AKAP19: variants seen among roughly 807,000 people sequenced by gnomAD.
The protein encoded by AKAP19 is small A-kinase anchoring protein.
At chr2:189,949,222 G>C in the AKAP19 span, among the ~76,000 whole-genome samples, 9 of 152,280 alleles carry the variant, frequency 5.9e-5, no homozygotes, top group Admixed American at 5.2e-4. Flanking sequence ...TTCAGTTGCA[G>C]ATGCAGAACC....
At chr2:190,003,981 T>G in the AKAP19 span, among the ~76,000 whole-genome samples, 1 of 152,208 alleles carries the variant, frequency 6.6e-6, no homozygotes, top group Non-Finnish European at 1.5e-5. Flanking sequence ...ACTCTTAATT[T>G]GTAATGTTTC....
chr2:190,146,761 A>C, the AKAP19 span, among the ~76,000 whole-genome samples: 1 of 152,222 alleles, frequency 6.6e-6, no homozygotes, highest in African/African-American at 2.4e-5. Context: ...AGTGATGTTG[A>C]ACATTTTTTC....
At chr2:190,057,908 C>G in the AKAP19 span, among the ~76,000 whole-genome samples, 4 of 151,960 alleles carry the variant, frequency 2.6e-5, no homozygotes, top group South Asian at 8.3e-4. Flanking sequence ...TACCAGATTG[C>G]CTGGCACATA....
At chr2:190,159,594 T>A in the AKAP19 span, among the ~76,000 whole-genome samples, 1 of 152,168 alleles carries the variant, frequency 6.6e-6, no homozygotes, top group Non-Finnish European at 1.5e-5. Flanking sequence ...TGAAGCTCAG[T>A]GTTCCAAGTT....
chr2:190,175,831 C>G, the AKAP19 span, among the ~76,000 whole-genome samples: 2 of 152,164 alleles, frequency 1.3e-5, no homozygotes, highest in Non-Finnish European at 2.9e-5. Flanking sequence ...AATGTTCCCT[C>G]CAAAATTCAG....
the AKAP19 span, among the ~76,000 whole-genome samples, chr2:190,012,929 T>G: frequency 2.6e-5 from 4 of 152,318 alleles, no homozygotes; most frequent in African/African-American, 9.6e-5. Flanking sequence ...TTATGTATCT[T>G]GAACCATCTT....
At chr2:189,943,167 T>A in the AKAP19 span, among the ~76,000 whole-genome samples, 1 of 152,184 alleles carries the variant, frequency 6.6e-6, no homozygotes, top group Non-Finnish European at 1.5e-5. Context: ...GCCCCTCCCA[T>A]CACAGGCCCA....
chr2:189,949,020 G>A, the AKAP19 span, among the ~76,000 whole-genome samples: 1 of 151,870 alleles, frequency 6.6e-6, no homozygotes, highest in Non-Finnish European at 1.5e-5. Context: ...CCTAATCTAG[G>A]AAGTAGGAAA....
chr2:189,997,395 C>A, the AKAP19 span, among the ~76,000 whole-genome samples: 1 of 152,100 alleles, frequency 6.6e-6, no homozygotes, highest in Non-Finnish European at 1.5e-5. Flanking sequence ...TAGAGAAATA[C>A]CATCTGGTGG....
the AKAP19 span, among the ~76,000 whole-genome samples, chr2:190,172,916 C>T: frequency 1.3e-4 from 20 of 152,042 alleles, no homozygotes; most frequent in Middle Eastern, 3.2e-3. Context: ...AGTTGGAAAC[C>T]AGCCTGCCCA....
the AKAP19 span, chr2:190,062,124 C>CA: frequency 7.7e-7 from 1 of 1,299,538 alleles, no homozygotes; most frequent in Middle Eastern, 1.9e-4. Flanking sequence ...ACATACAGGC[C>CA]AACAGCTTGT....
the AKAP19 span, among the ~76,000 whole-genome samples, chr2:190,058,759 A>G: frequency 6.6e-6 from 1 of 152,048 alleles, no homozygotes; most frequent in Non-Finnish European, 1.5e-5. Context: ...ACCAAATACC[A>G]TACGTTCTTA....
At chr2:189,936,239 G>A in the AKAP19 span, among the ~76,000 whole-genome samples, 1 of 143,868 alleles carries the variant, frequency 7.0e-6, no homozygotes, top group African/African-American at 2.6e-5. Context: ...AGACTTGAAT[G>A]ACTCTGTTAG....
chr2:190,168,536 A>G, the AKAP19 span, among the ~76,000 whole-genome samples: 1 of 151,854 alleles, frequency 6.6e-6, no homozygotes, highest in Non-Finnish European at 1.5e-5. Context: ...TTTCTATCGC[A>G]TTGTCAGGCT....
the AKAP19 span, among the ~76,000 whole-genome samples, chr2:189,938,105 G>A: frequency 2.0e-5 from 3 of 152,148 alleles, no homozygotes; most frequent in Non-Finnish European, 2.9e-5. Context: ...GGAGGCTGAG[G>A]CGTGTGGATT....
At chr2:189,898,532 C>G in the AKAP19 span, among the ~76,000 whole-genome samples, 1 of 152,276 alleles carries the variant, frequency 6.6e-6, no homozygotes, top group East Asian at 1.9e-4. Flanking sequence ...ACATGCCTCT[C>G]TACTCATATC....
At chr2:190,037,143 T>G in the AKAP19 span, among the ~76,000 whole-genome samples, 1 of 152,184 alleles carries the variant, frequency 6.6e-6, no homozygotes, top group Non-Finnish European at 1.5e-5. Context: ...GGCTCAGACA[T>G]CCTTGAAGTA....
At chr2:189,935,601 GCTGT>G in the AKAP19 span, among the ~76,000 whole-genome samples, 4 of 151,974 alleles carry the variant, frequency 2.6e-5, no homozygotes, top group Non-Finnish European at 5.9e-5. Context: ...AAACTTAACA[GCTGT>G]CTGAGTTTAG....
At chr2:189,954,936 C>A in the AKAP19 span, among the ~76,000 whole-genome samples, 1 of 151,828 alleles carries the variant, frequency 6.6e-6, no homozygotes, top group Admixed American at 6.6e-5. Context: ...TTAGCAAATT[C>A]TTTTTTAAAA....
Sources: gnomAD v4.1 joint callset for allele counts (sites outside exome capture counted in the v4.1 genomes callset) on GRCh38, gnomAD v4.1.1 for gene constraint, MANE v1.5 for transcripts, NCBI Gene and HGNC (gene_info 2026-07-23, HGNC 2026-07-21) for gene names.